The following ACIN1 variants were observed in gnomAD, a reference collection of about 807,000 sequenced individuals.
The protein encoded by ACIN1 is apoptotic chromatin condensation inducer 1.
Under a neutral mutation model 146.6 loss-of-function variants are expected in ACIN1, and 16 were observed. The ratio of observed to expected loss-of-function variants is 0.11; its 90% confidence interval spans 0.07 to 0.17. The LOEUF (loss-of-function observed/expected upper bound fraction) is 0.17. Among genes scored for constraint, ACIN1 ranks in the 10% least tolerant of loss-of-function variants. The pLI is 1.00. For synonymous variants in ACIN1, 569 were observed against 582.7 expected, an observed-to-expected ratio of 0.98 and a Z score of 0.34; for missense variants, 1,357 against 1,609.3, an observed-to-expected ratio of 0.84 and a Z score of 2.68.
At chr14:23,075,604 A>G (rs927139485) in intron 8 of ACIN1, among the ~76,000 whole-genome samples, 2 of 13,456 alleles carry the variant, frequency 1.5e-4, no homozygotes, top group African/African-American at 2.0e-4. Flanking sequence ...CTTGAAGTCT[A>G]ATTTTTTTTT....
In ACIN1 at chr14:23,061,397, G is replaced by A. The variant is rs1346701858; in HGVS notation, c.3325C>T (p.Arg1109Trp). Reference sequence around the variant, plus strand: ...CGGGGCCCTTCTCGAACTTTGTCCCGATCCCATTCACGCTCTGATCGAGTC... The same window carrying A: ...CGGGGCCCTTCTCGAACTTTGTCCCAATCCCATTCACGCTCTGATCGAGTC... ...ERTRSEREWD[R>W]DKVREGPRSR... The change falls in exon 17 of 19, where the codon CGG becomes TGG. Residue 1109 changes from arginine (R) to tryptophan (W), a missense_variant. Arg to Trp is a moderately radical substitution (Grantham distance 101). Around this residue, in one of 4 missense-constraint regions of ACIN1, gnomAD observed 509 missense variants for 719.6 expected, o/e 0.71. Transcript: ENST00000605057. The A allele has an allele frequency of 1.9e-6, 3 of 1,614,016 alleles. No individual in the cohort carries two copies. Among genetic ancestry groups the A allele is most frequent in the East Asian group, 2.2e-5 (1 of 44,884 alleles).
intron 2 of ACIN1, among the ~76,000 whole-genome samples, chr14:23,091,152 G>A (rs1056445320): frequency 5.3e-5 from 8 of 152,046 alleles, no homozygotes; most frequent in Non-Finnish European, 2.9e-5. Flanking sequence ...TGATCCACCC[G>A]CCTCAGCCTC....
intron 8 of ACIN1, chr14:23,071,054 A>G: frequency 5.5e-6 from 8 of 1,449,714 alleles, no homozygotes; most frequent in Non-Finnish European, 6.6e-6. Context: ...GAAAGCCATG[A>G]GGAAGAGAAG....
At chr14:23,071,591 G>T in intron 8 of ACIN1, 1 of 1,536,740 alleles carries the variant, frequency 6.5e-7, no homozygotes. Context: ...TGTGCGGATG[G>T]GGGAGGGCCT....
intron 8 of ACIN1, chr14:23,071,241 GA>G (rs1295222048): frequency 1.1e-4 from 165 of 1,494,488 alleles, no homozygotes; most frequent in African/African-American, 1.6e-4. Flanking sequence ...AAAAAATAAA[GA>G]AAAAAAACCA....
At chr14:23,062,609 G>C in intron 14 of ACIN1, 86 bp from the exon 15 acceptor site, 1 of 1,309,178 alleles carries the variant, frequency 7.6e-7, no homozygotes. Flanking sequence ...TGTCACAGGA[G>C]TATAGTTTCA....
At position 23,063,505 on chromosome 14, in the gene ACIN1, G is replaced by A. The variant is rs746609029; in HGVS notation, c.2668C>T (p.Pro890Ser). ...EEEEKEPEAEPPVPPQVSVEV... is the reference protein window; with the variant it reads ...EEEEKEPEAESPVPPQVSVEV... Reference sequence around the variant, plus strand: ...ACTGACACCTGGGGAGGTACAGGAGGTTCTGCTTCAGGTTCCTTCTCTTCT... The same window carrying A: ...ACTGACACCTGGGGAGGTACAGGAGATTCTGCTTCAGGTTCCTTCTCTTCT... The change falls in exon 13 of 19, where the codon CCT (proline) becomes TCT (serine). Residue 890 changes from proline (P) to serine (S), a missense_variant. Pro to Ser is a moderately conservative substitution (Grantham distance 74). Transcript: ENST00000605057. 1.2e-6 allele frequency: 2 copies of A among 1,614,190 alleles called. No individual in the cohort carries two copies. The highest frequency in any genetic ancestry group is 1.3e-5 in the African/African-American group (1 of 75,044).
At chr14:23,090,816 C>A (rs762678516) in intron 2 of ACIN1, among the ~76,000 whole-genome samples, 183 bp from the exon 3 acceptor site, 1 of 151,870 alleles carries the variant, frequency 6.6e-6, no homozygotes, top group Non-Finnish European at 1.5e-5. Flanking sequence ...GAGTCACACA[C>A]AAAAAAAGGG....
In ACIN1 at chr14:23,061,502, G is replaced by T; in HGVS notation, c.3220C>A (p.Arg1074=). ...PPPVQPPQHP[R]AEQREQERAV... is the part of the protein sequence containing the mutation. ...CGTTCCTGCTCCCGCTGCTCTGCCC[G>T]GGGGTGCTGTGGTGGCTGGACCGGG... is the stretch of plus-strand genomic sequence containing the variant. The change falls in exon 17 of 19, where the codon CGG becomes AGG. Residue 1074 remains arginine, a synonymous_variant. Coordinates refer to ENST00000605057, the MANE Select transcript of ACIN1 (RefSeq NM_001386863.1). The T allele has an allele frequency of 6.2e-7, 1 of 1,612,114 alleles. No homozygotes were observed. Among genetic ancestry groups the T allele is most frequent in the South Asian group, 1.1e-5 (1 of 90,978 alleles).
chr14:23,080,443 G>T lies in ACIN1; in HGVS notation c.892C>A (p.Gln298Lys), dbSNP rs745772772. The change falls in exon 6 of 19, where the codon CAG becomes AAG. Residue 298 changes from glutamine to lysine, a missense_variant. This residue lies in a region of ACIN1 where 771 missense variants were observed against 746.6 expected (regional missense o/e 1.03). Transcript: ENST00000605057. Reference sequence around the variant, plus strand: ...GTTGTTTTCATTTCCTTCTCCTGCTGCTGTCTGGCCAGATGACTTTTTCTA... The same window carrying T: ...GTTGTTTTCATTTCCTTCTCCTGCTTCTGTCTGGCCAGATGACTTTTTCTA... ...EARKSHLARQQQEKEMKTTSP... is the reference protein window; with the variant it reads ...EARKSHLARQKQEKEMKTTSP... 6.2e-7 allele frequency: 1 copy of T among 1,614,098 alleles called. No individual in the cohort carries two copies. The highest frequency in any genetic ancestry group is 1.1e-5 in the South Asian group (1 of 91,078).
At position 23,067,737 on chromosome 14, in the gene ACIN1, T is replaced by C; in HGVS notation, c.2266-1729A>G. The C allele has an allele frequency of 2.0e-6, 2 of 985,920 alleles. No individual in the cohort carries two copies. Among genetic ancestry groups the C allele is most frequent in the Non-Finnish European group, 2.4e-6 (2 of 830,028 alleles). The allele number at this position is 985,920 out of a possible 1,614,324, so 61.1% of individuals were successfully genotyped here. A position where few individuals can be genotyped will look rare whatever the true frequency, so the allele number is the denominator to read the frequency against. The stretch of plus-strand genomic sequence containing the variant: ...GACCCTATGTCCACCAGTGGCAAGC[T>C]GCAGCAATAACACCACCCAATACTT... On this transcript the variant is annotated intron_variant, in intron 9 of 18. Transcript: ENST00000605057. This position sits in a 1 kb window ranked among gnomAD's most constrained non-coding sequence, Gnocchi z 4.6.
chr14:23,091,784 C>A (rs1014757298), intron 2 of ACIN1, among the ~76,000 whole-genome samples: 1 of 152,208 alleles, frequency 6.6e-6, no homozygotes, highest in East Asian at 1.9e-4. Flanking sequence ...CCACCACAAC[C>A]AGCTCATTTT....
rs2047319409 is a variant in ACIN1, at chr14:23,062,479, G to A, written c.2928C>T (p.Arg976=). 1 of 1,614,176 alleles carries A rather than the reference G, an allele frequency of 6.2e-7. No individual in the cohort carries two copies. The highest frequency in any genetic ancestry group is 8.5e-7 in the Non-Finnish European group (1 of 1,180,034). ...TLGQLKELLG[R]TGTLVEEAFW... ...AGGCCTCTTCCACCAAGGTTCCTGT[G>A]CGCCCCAACAACTCCTTTAGCTGGC... The change falls in exon 15 of 19, where the codon CGC becomes CGT. Residue 976 remains arginine, a synonymous_variant. Transcript: ENST00000605057.
At chr14:23,071,112 G>A (rs777517580) in intron 8 of ACIN1, 2 of 1,551,512 alleles carry the variant, frequency 1.3e-6, no homozygotes, top group South Asian at 1.2e-5. Flanking sequence ...ACATGGAAAT[G>A]TGAAGCTCTC....
chr14:23,061,123 T>A lies in ACIN1; in HGVS notation c.3486A>T (p.Ala1162=). ...LLDDLFRKTK[A]APCIYWLPLT... ...GTGGGAGCCAATAGATGCAGGGAGC[T>A]GCCTTGGTCTTTCGGAAAAGGTCAT... The change falls in exon 18 of 19, where the codon GCA becomes GCT. Residue 1162 remains alanine (A), a synonymous_variant. Coordinates refer to ENST00000605057, the MANE Select transcript of ACIN1 (RefSeq NM_001386863.1). The A allele has an allele frequency of 6.2e-7, 1 of 1,614,168 alleles. No homozygotes were observed.
upstream of ACIN1, chr14:23,095,444 G>A (rs531274399): frequency 3.7e-6 from 4 of 1,078,090 alleles, no homozygotes; most frequent in South Asian, 5.0e-5. Context: ...TTTATTTCCG[G>A]ACCTAGAGAT....
rs1323824802 is a variant in ACIN1 at position 23,079,748 on chromosome 14, G to A, written c.1587C>T (p.Ser529=). The A allele has an allele frequency of 6.2e-7, 1 of 1,614,042 alleles. No homozygotes were observed. Among genetic ancestry groups the A allele is most frequent in the African/African-American group, 1.3e-5 (1 of 74,908 alleles). The change falls in exon 6 of 19, where the codon TCC becomes TCT. Residue 529 remains serine, a synonymous_variant. Transcript: ENST00000605057. Reference sequence around the variant, plus strand: ...GAGAGCGAGATCTTGATCTAGAACTGGAGGAGGAAGATGAGGAGGACCGGC... The same window carrying A: ...GAGAGCGAGATCTTGATCTAGAACTAGAGGAGGAAGATGAGGAGGACCGGC... The part of the protein sequence containing the change: ...SSSRSSSSSS[S]SSRSRSRSPD...
Position 23,063,001 on chromosome 14 carries a change from G to A in ACIN1, c.2811C>T (p.Asp937=), listed in dbSNP as rs917154520. ...AGGGCACCTGGGCAGTTCGGACTGG[G>A]TCATCAATGGTAATGGAAACTCCGG... ...QKSGVSITID[D]PVRTAQVPSP... is the part of the protein sequence containing the mutation. Residue 937 remains aspartate (D), a synonymous_variant, in exon 14 of 19, where the codon GAC becomes GAT. Coordinates refer to ENST00000605057, the MANE Select transcript of ACIN1 (RefSeq NM_001386863.1). 2.5e-6 allele frequency: 4 copies of A among 1,613,986 alleles called. No homozygotes were observed. The highest frequency in any genetic ancestry group is 3.4e-6 in the Non-Finnish European group (4 of 1,179,976).
At position 23,061,342 on chromosome 14, in the gene ACIN1, C is replaced by A; in HGVS notation, c.3380G>T (p.Arg1127Leu). 1 of 1,614,098 alleles carries A rather than the reference C, an allele frequency of 6.2e-7. No individual in the cohort carries two copies. The highest frequency in any genetic ancestry group is 1.1e-5 in the South Asian group (1 of 91,076). ...RSRSRSRDRR[R>L]KERAKSKEKK... ...TTCTTTAGACTTCGCACGTTCCTTG[C>A]GGCGGCGGTCACGGGACCTTGATCG... Residue 1127 changes from arginine to leucine, a missense_variant, in exon 17 of 19, where the codon CGC (arginine) becomes CTC (leucine). Around this residue, in one of 4 missense-constraint regions of ACIN1, gnomAD observed 509 missense variants for 719.6 expected, o/e 0.71. Coordinates refer to ENST00000605057, the MANE Select transcript of ACIN1 (RefSeq NM_001386863.1).
Sources: gnomAD v4.1 joint callset for allele counts (sites outside exome capture counted in the v4.1 genomes callset) on GRCh38, gnomAD v4.1.1 for gene constraint, gnomAD v4.1.1 regional missense constraint, Gnocchi (gnomAD v3.1) non-coding constraint, MANE v1.5 for transcripts, NCBI Gene and HGNC (gene_info 2026-07-23, HGNC 2026-07-21) for gene names.